Variants in EXOC3L4 observed in about 807,000 individuals in gnomAD.
EXOC3L4 encodes the protein exocyst complex component 3 like 4, also known as exocyst complex component 3-like protein 4.
EXOC3L4 carries 62 observed loss-of-function variants against 69.7 expected under a neutral mutation model. The ratio of observed to expected loss-of-function variants is 0.89; its 90% confidence interval spans 0.72 to 1.10. The LOEUF (loss-of-function observed/expected upper bound fraction) is 1.10, where lower values mean the gene tolerates loss of function less well. Ranked by LOEUF, EXOC3L4 falls within the 50% of genes least tolerant of loss-of-function variation. The pLI, the probability that EXOC3L4 is intolerant of heterozygous loss-of-function variation, is 0.00. For synonymous variants in EXOC3L4, 502 were observed against 464.2 expected (o/e 1.08, Z -1.05); for missense variants, 1,087 against 1,034.8 (o/e 1.05, Z -0.69).
Position 103,104,397 on chromosome 14 carries a change from C to T in EXOC3L4, c.1284+8C>T. On this transcript the variant is annotated splice_region_variant and intron_variant, in intron 5 of 11. Coordinates refer to ENST00000688303, the MANE Select transcript of EXOC3L4 (RefSeq NM_001077594.2). ...TCCATGGACGTCCATATGGTGCGGCCCGGGAGCAGGGGCTGAGAAGGGGCG... is the reference window on the plus strand; with the variant it reads ...TCCATGGACGTCCATATGGTGCGGCTCGGGAGCAGGGGCTGAGAAGGGGCG... 1 of 1,552,220 alleles carries T rather than the reference C, an allele frequency of 6.4e-7. No individual in the cohort carries two copies. Among genetic ancestry groups the T allele is most frequent in the South Asian group, 1.2e-5 (1 of 83,388 alleles).
upstream of EXOC3L4, among the ~76,000 whole-genome samples, chr14:103,094,447 A>G (rs1271903130): frequency 6.6e-6 from 1 of 151,610 alleles, no homozygotes; most frequent in East Asian, 1.9e-4. Flanking sequence ...AGCAAAGGAG[A>G]GGTTGGTGGT....
rs376043981 is a variant in EXOC3L4 at position 103,108,393 on chromosome 14, C to T, written c.1855-3C>T. On this transcript the variant is annotated splice_region_variant and splice_polypyrimidine_tract_variant and intron_variant, in intron 10 of 11. Transcript: ENST00000688303. Reference sequence around the variant, plus strand: ...TGGGGCAGGCGGTGGCTCTGTCTCGCAGGGTTCCGAGGCCACATGGTTGGA... The same window carrying T: ...TGGGGCAGGCGGTGGCTCTGTCTCGTAGGGTTCCGAGGCCACATGGTTGGA... 3.3e-5 allele frequency: 53 copies of T among 1,612,652 alleles called. No individual in the cohort carries two copies. Among genetic ancestry groups the T allele is most frequent in the Non-Finnish European group, 4.5e-5 (53 of 1,179,242 alleles).
intron 1 of EXOC3L4, among the ~76,000 whole-genome samples, chr14:103,098,404 G>C (rs567309616): frequency 6.6e-6 from 1 of 152,132 alleles, no homozygotes; most frequent in Non-Finnish European, 1.5e-5. Flanking sequence ...CTGAGTGCGC[G>C]GCCAGGGGCA....
intron 11 of EXOC3L4, among the ~76,000 whole-genome samples, chr14:103,109,059 A>G (rs118179675): frequency 0.01 from 1,532 of 151,596 alleles, 13 homozygotes; most frequent in Non-Finnish European, 0.017. Flanking sequence ...TGTGGCTCAG[A>G]GAGAGTGGCC....
At chr14:103,095,665 G>C (rs966957198) in intron 1 of EXOC3L4, among the ~76,000 whole-genome samples, 1 of 152,234 alleles carries the variant, frequency 6.6e-6, no homozygotes, top group Non-Finnish European at 1.5e-5. Flanking sequence ...TCTTCCGAGG[G>C]CAGCAGCGGC....
chr14:103,110,276 G>A lies in EXOC3L4; in HGVS notation c.*53G>A. On this transcript the variant is annotated 3_prime_UTR_variant, in exon 12 of 12. Coordinates refer to ENST00000688303, the MANE Select transcript of EXOC3L4 (RefSeq NM_001077594.2). ...CGCTGGCAGGGAGCTGTGGTCAGTG[G>A]GGGTCAGCCAGGAGCCCAGGGAGTC... The A allele has an allele frequency of 6.7e-7, 1 of 1,499,826 alleles. No individual in the cohort carries two copies. Among genetic ancestry groups the A allele is most frequent in the Non-Finnish European group, 8.9e-7 (1 of 1,125,366 alleles). The allele number at this position is 1,499,826 out of a possible 1,614,324, so 92.9% of individuals were successfully genotyped here.
chr14:103,095,215 C>T (rs916626912), intron 1 of EXOC3L4, among the ~76,000 whole-genome samples: 4 of 152,210 alleles, frequency 2.6e-5, no homozygotes, highest in African/African-American at 7.2e-5. Context: ...TATGCCCGCG[C>T]GCTCAAGCTC....
At chr14:103,107,846 G>T (rs1890659552) in intron 10 of EXOC3L4, 63 bp downstream of exon 10, 2 of 1,456,128 alleles carry the variant, frequency 1.4e-6, no homozygotes, top group Non-Finnish European at 1.8e-6. Context: ...GCAGTGACTA[G>T]GGCCTTAGCG....
intron 3 of EXOC3L4, 52 bp from the exon 4 acceptor site, chr14:103,103,889 G>A (rs1199847512): frequency 7.6e-7 from 1 of 1,316,776 alleles, no homozygotes; most frequent in Non-Finnish European, 1.0e-6. Flanking sequence ...GAGGGGCAGC[G>A]GCTGCCGCAT....
rs764206455 is a variant in EXOC3L4, at chr14:103,102,104, G to A, written c.395-14G>A. The A allele has an allele frequency of 8.8e-6, 14 of 1,587,970 alleles. No homozygotes were observed. The highest frequency in any genetic ancestry group is 1.1e-5 in the South Asian group (1 of 87,372). Reference sequence around the variant, plus strand: ...GGCGGTCCCTCTCACCGCCCTTCTCGCCCGCCTGTGCAGAAGGCAAATCCG... The same window carrying A: ...GGCGGTCCCTCTCACCGCCCTTCTCACCCGCCTGTGCAGAAGGCAAATCCG... On this transcript the variant is annotated splice_polypyrimidine_tract_variant and intron_variant, in intron 2 of 11. Transcript: ENST00000688303.
rs1453158533 is a variant in EXOC3L4, at chr14:103,103,820, G to C, written c.1050-121G>C. On this transcript the variant is annotated intron_variant, in intron 3 of 11. Transcript: ENST00000688303. Reference sequence around the variant, plus strand: ...CGCGTGTGTGTGTGTGTGTGTGTGTGTGTGTGTGTACAGATGCCCAGGTTC... The same window carrying C: ...CGCGTGTGTGTGTGTGTGTGTGTGTCTGTGTGTGTACAGATGCCCAGGTTC... 4.8e-6 allele frequency: 3 copies of C among 627,308 alleles called. No individual in the cohort carries two copies. The African/African-American group carries it at 5.7e-5, about 12-fold the overall frequency. The allele number at this position is 627,308 out of a possible 1,614,324, so 38.9% of individuals were successfully genotyped here.
Position 103,097,512 on chromosome 14 carries a change from C to T in EXOC3L4, c.-17+2672C>T, listed in dbSNP as rs10149114. 0.024 allele frequency among the ~76,000 whole-genome samples: 3,621 copies of T among 152,182 alleles called. 126 individuals carry two copies. Among genetic ancestry groups the T allele is most frequent in the African/African-American group, 0.079 (3,265 of 41,514 alleles). ...GAGAGGGGCCTTCAGGTCTCAGCCC[C>T]GCAGGCGCCAGCATGGCAGCAGGCA... On this transcript the variant is annotated intron_variant, in intron 1 of 11. Coordinates refer to ENST00000688303, the MANE Select transcript of EXOC3L4 (RefSeq NM_001077594.2). The surrounding 1 kb of genome is among the most constrained non-coding windows in gnomAD (Gnocchi z 4.9).
Position 103,110,132 on chromosome 14 carries a change from GGGCGGCGGGTGCGGA to G in EXOC3L4, c.2082_2096del (p.Ala695_Ala699del), listed in dbSNP as rs781662089. ...CAAGACCTGCTGAGAGCTGCGGCCG[GGGCGGCGGGTGCGGA>G]GGCCCCTCGGGGCCGCGTGCTCTTC... is the stretch of plus-strand genomic sequence containing the variant. On this transcript the variant is annotated inframe_deletion, in exon 12 of 12. Transcript: ENST00000688303. 1.9e-6 allele frequency: 3 copies of G among 1,554,644 alleles called. No homozygotes were observed. In the South Asian group the frequency reaches 3.5e-5, roughly 18 times the overall value.
Position 103,100,327 on chromosome 14 carries a change from A to G in EXOC3L4, c.108A>G (p.Lys36=). Residue 36 remains lysine, a synonymous_variant, in exon 2 of 12, where the codon AAA becomes AAG. Coordinates refer to ENST00000688303, the MANE Select transcript of EXOC3L4 (RefSeq NM_001077594.2). ...AQGSRRTSSR[K]EPNAHRKDGT... is the part of the protein sequence containing the mutation. ...GCTCCCGGCGAACAAGCAGCAGGAA[A>G]GAGCCCAATGCCCACCGCAAGGATG... 1 of 1,593,760 alleles carries G rather than the reference A, an allele frequency of 6.3e-7. No homozygotes were observed. The highest frequency in any genetic ancestry group is 8.6e-7 in the Non-Finnish European group (1 of 1,169,452).
At chr14:103,107,828 G>T (rs1336462247) in intron 10 of EXOC3L4, 45 bp downstream of exon 10, 1 of 1,469,256 alleles carries the variant, frequency 6.8e-7, no homozygotes, top group African/African-American at 1.4e-5. Context: ...TCTGTGTGGG[G>T]AGTGGTGGCA....
rs1318254684 is a variant in EXOC3L4 at position 103,105,060 on chromosome 14, G to C, written c.1454G>C (p.Cys485Ser). The C allele has an allele frequency of 1.2e-6, 2 of 1,611,248 alleles. No individual in the cohort carries two copies. The highest frequency in any genetic ancestry group is 4.5e-5 in the East Asian group (2 of 44,788). The part of the protein sequence containing the change: ...EPHLGAYINA[C>S]EELRTSLLSR... ...CACCTGGGCGCCTACATCAACGCCT[G>C]CGAGGAGCTCAGGTAGGGCTCGCCC... is the stretch of plus-strand genomic sequence containing the variant. The change falls in exon 7 of 12, where the codon TGC (cysteine) becomes TCC (serine). Residue 485 changes from cysteine (C) to serine (S), a missense_variant. By Grantham distance (112) the Cys-to-Ser change is moderately radical. Transcript: ENST00000688303.
chr14:103,104,258 TC>T lies in EXOC3L4; in HGVS notation c.1162-3del. ...GGGTCTCACCACGGCCCATCCCTTC[TC>T]CCCCCAGGCCAAGATCGCAAGCTGC... On this transcript the variant is annotated splice_region_variant and splice_polypyrimidine_tract_variant and intron_variant, in intron 4 of 11. Transcript: ENST00000688303. 7 of 1,574,716 alleles carry T rather than the reference TC, an allele frequency of 4.4e-6. No individual in the cohort carries two copies. Among genetic ancestry groups the T allele is most frequent in the East Asian group, 2.3e-5 (1 of 42,782 alleles).
chr14:103,110,489 T>C lies in EXOC3L4; in HGVS notation c.*266T>C, dbSNP rs1043134771. On this transcript the variant is annotated 3_prime_UTR_variant, in exon 12 of 12. Coordinates refer to ENST00000688303, the MANE Select transcript of EXOC3L4 (RefSeq NM_001077594.2). ...GGCGGGGGGGGGCCTCCCGCCCGAC[T>C]GTCCAGCTTCACCCTCCAGTCTGAA... 15 of 598,164 alleles carry C rather than the reference T, an allele frequency of 2.5e-5. No individual in the cohort carries two copies. The African/African-American group carries it at 2.6e-4, about 10-fold the overall frequency. 37.1% of individuals were successfully genotyped at this position (598,164 alleles called of 1,614,324 possible). A position where few individuals can be genotyped will look rare whatever the true frequency, so the allele number is the denominator to read the frequency against.
chr14:103,096,401 C>CTTTTTTTTTTTTTTTTTTT (rs56362121), intron 1 of EXOC3L4, among the ~76,000 whole-genome samples: 1 of 131,912 alleles, frequency 7.6e-6, no homozygotes, highest in Admixed American at 8.3e-5. Flanking sequence ...TGGCAAGATT[C>CTTTTTTTTTTTTTTTTTTT]TTTTTTTTTT....
Sources: gnomAD v4.1 joint callset for allele counts (sites outside exome capture counted in the v4.1 genomes callset) on GRCh38, gnomAD v4.1.1 for gene constraint, Gnocchi (gnomAD v3.1) non-coding constraint, MANE v1.5 for transcripts, NCBI Gene and HGNC (gene_info 2026-07-23, HGNC 2026-07-21) for gene names.